Variants in PLEKHM3 observed in about 807,000 individuals in gnomAD.
PLEKHM3 encodes pleckstrin homology domain containing M3, also known as pleckstrin homology domain-containing family M member 3.
PLEKHM3 carries 45 observed loss-of-function variants against 81.8 expected under a neutral mutation model. That is an observed-to-expected ratio of 0.55 (90% CI 0.43 to 0.71). PLEKHM3 has a LOEUF of 0.71. Among genes scored for constraint, PLEKHM3 ranks in the 30% least tolerant of loss-of-function variants. The pLI is 0.00. For missense variants in PLEKHM3, 788 were observed against 924.3 expected, an observed-to-expected ratio of 0.85 and a Z score of 1.91; for synonymous variants, 352 against 356.4, an observed-to-expected ratio of 0.99 and a Z score of 0.14.
intron 6 of PLEKHM3, among the ~76,000 whole-genome samples, chr2:207,864,358 T>C (rs1324433755): frequency 6.6e-6 from 1 of 152,226 alleles, no homozygotes; most frequent in East Asian, 1.9e-4. Flanking sequence ...CCAAATCATA[T>C]ATGCAACCAC....
At chr2:207,878,806 C>T (rs537328911) in intron 6 of PLEKHM3, among the ~76,000 whole-genome samples, 1 of 151,952 alleles carries the variant, frequency 6.6e-6, no homozygotes, top group East Asian at 1.9e-4. Flanking sequence ...GCTTTAGTGT[C>T]TTGCTAGAGC....
At chr2:208,024,300 G>T (rs1693236753) in intron 1 of PLEKHM3, among the ~76,000 whole-genome samples, 3 of 152,120 alleles carry the variant, frequency 2.0e-5, no homozygotes, top group African/African-American at 7.2e-5. Context: ...GACCAAGCAG[G>T]AATTCAAACT....
intron 4 of PLEKHM3, among the ~76,000 whole-genome samples, chr2:207,943,687 T>G (rs912825467): frequency 6.6e-6 from 1 of 151,422 alleles, no homozygotes; most frequent in East Asian, 1.9e-4. Context: ...GCTAGAACGG[T>G]GAAACCCCGT....
rs77200273 is a variant in PLEKHM3, at chr2:207,898,786, C to T, written c.1950+9728G>A. ...TGGCGCGTGCCTATGGTTTCAGCTACCTGGGAGGCTGAGATGGGAGGATTG... is the reference window on the plus strand; with the variant it reads ...TGGCGCGTGCCTATGGTTTCAGCTATCTGGGAGGCTGAGATGGGAGGATTG... On this transcript the variant is annotated intron_variant, in intron 6 of 7. Coordinates refer to ENST00000427836, the MANE Select transcript of PLEKHM3 (RefSeq NM_001080475.3). Among the ~76,000 whole-genome samples the T allele has an allele frequency of 7.2e-5, 11 of 152,216 alleles. No individual in the cohort carries two copies. In the East Asian group the frequency reaches 2.1e-3, roughly 29 times the overall value.
intron 7 of PLEKHM3, among the ~76,000 whole-genome samples, chr2:207,850,059 T>G (rs1030228542): frequency 6.6e-6 from 1 of 152,114 alleles, no homozygotes; most frequent in South Asian, 2.1e-4. Context: ...GAAGCAAGCA[T>G]GTGGAAAAGG....
intron 4 of PLEKHM3, among the ~76,000 whole-genome samples, chr2:207,934,478 C>T (rs879794559): frequency 6.6e-6 from 1 of 152,072 alleles, no homozygotes; most frequent in African/African-American, 2.4e-5. Context: ...TTCATATGAA[C>T]GAATTTCTTT....
intron 3 of PLEKHM3, among the ~76,000 whole-genome samples, chr2:207,951,982 T>A (rs1041080979): frequency 6.6e-6 from 1 of 152,194 alleles, no homozygotes; most frequent in Non-Finnish European, 1.5e-5. Flanking sequence ...AAGGACCTCA[T>A]ACAGTGCTAA....
chr2:207,894,345 A>C (rs1688153031), intron 6 of PLEKHM3, among the ~76,000 whole-genome samples: 1 of 152,172 alleles, frequency 6.6e-6, no homozygotes, highest in South Asian at 2.1e-4. Context: ...TAGGGGTTAC[A>C]GCCTATCTGG....
At chr2:207,878,973 A>G (rs1355770774) in intron 6 of PLEKHM3, among the ~76,000 whole-genome samples, 1 of 151,966 alleles carries the variant, frequency 6.6e-6, no homozygotes, top group Non-Finnish European at 1.5e-5. Context: ...ACTTGCTTCT[A>G]GTCTTTATCT....
chr2:207,844,447 C>T (rs1317279381), intron 7 of PLEKHM3, among the ~76,000 whole-genome samples: 4 of 131,486 alleles, frequency 3.0e-5, no homozygotes, highest in East Asian at 2.0e-4. Context: ...GGACTACAGG[C>T]GCCCACCACC....
intron 7 of PLEKHM3, among the ~76,000 whole-genome samples, chr2:207,853,819 G>A (rs1301107258): frequency 6.6e-6 from 1 of 152,006 alleles, no homozygotes; most frequent in Non-Finnish European, 1.5e-5. Context: ...TGCCCAGGCT[G>A]GAGTGCAGTG....
rs192914222 is a variant in PLEKHM3, at chr2:207,935,391, C to T, written c.1693-4272G>A. 2.1e-3 allele frequency among the ~76,000 whole-genome samples: 320 copies of T among 152,164 alleles called. 3 individuals carry two copies. Among genetic ancestry groups the T allele is most frequent in the African/African-American group, 7.3e-3 (303 of 41,552 alleles). ...TGTGGGAGATAAGATCCAGCCCGGA[C>T]CCCCACTCACCAACCAGAAGAAAGG... On this transcript the variant is annotated intron_variant, in intron 4 of 7. Coordinates refer to ENST00000427836, the MANE Select transcript of PLEKHM3 (RefSeq NM_001080475.3).
chr2:208,005,254 G>C (rs10196408), intron 1 of PLEKHM3, among the ~76,000 whole-genome samples: 94,779 of 152,084 alleles, frequency 0.62, 31,446 homozygotes, highest in Non-Finnish European at 0.74. Flanking sequence ...AACCAATATT[G>C]TTACATTATT....
chr2:207,849,292 C>T (rs955036738), intron 7 of PLEKHM3, among the ~76,000 whole-genome samples: 1 of 151,992 alleles, frequency 6.6e-6, no homozygotes, highest in African/African-American at 2.4e-5. Context: ...CGAGATCCTG[C>T]CACTGCACTC....
chr2:207,977,340 A>G lies in PLEKHM3; in HGVS notation c.857T>C (p.Leu286Pro). The G allele has an allele frequency of 1.9e-6, 3 of 1,614,130 alleles. No homozygotes were observed. The highest frequency in any genetic ancestry group is 2.5e-6 in the Non-Finnish European group (3 of 1,180,008). The change falls in exon 3 of 8, where the codon CTA becomes CCA. Residue 286 changes from leucine to proline, a missense_variant. Leu to Pro is a moderately conservative substitution (Grantham distance 98, BLOSUM62 -3). Coordinates refer to ENST00000427836, the MANE Select transcript of PLEKHM3 (RefSeq NM_001080475.3). ...VDTVLYDNTQ[L>P]QLKAESPWEA... is the part of the protein sequence containing the mutation. ...CCATGGTGACTCTGCCTTTAGCTGT[A>G]GCTGAGTGTTGTCATACAAAACAGT...
intron 1 of PLEKHM3, among the ~76,000 whole-genome samples, chr2:208,002,998 C>T (rs1692363721): frequency 6.6e-6 from 1 of 152,086 alleles, no homozygotes; most frequent in South Asian, 2.1e-4. Context: ...ACTAGCAACA[C>T]CATTATATAT....
intron 6 of PLEKHM3, 120 bp downstream of exon 6, chr2:207,908,394 T>C (rs754393776): frequency 4.4e-6 from 4 of 912,004 alleles, no homozygotes. Flanking sequence ...GAAAAAGAAT[T>C]ATCAGGGTTT....
At chr2:207,872,471 T>G (rs1290061970) in intron 6 of PLEKHM3, among the ~76,000 whole-genome samples, 1 of 152,234 alleles carries the variant, frequency 6.6e-6, no homozygotes, top group East Asian at 1.9e-4. Flanking sequence ...AGCATCTTAT[T>G]GGCTCAACTA....
intron 6 of PLEKHM3, 147 bp downstream of exon 6, chr2:207,908,365 TAA>T (rs1688689619): frequency 1.3e-5 from 10 of 764,960 alleles, no homozygotes; most frequent in Non-Finnish European, 2.2e-5. Context: ...CTTTTTATAC[TAA>T]GTTTTCCCCC....
Sources: gnomAD v4.1 joint callset for allele counts (sites outside exome capture counted in the v4.1 genomes callset) on GRCh38, gnomAD v4.1.1 for gene constraint, MANE v1.5 for transcripts, NCBI Gene and HGNC (gene_info 2026-07-23, HGNC 2026-07-21) for gene names.